MAPKAP1: variants seen among roughly 807,000 people sequenced by gnomAD.
MAPKAP1 encodes MAPK associated protein 1, also known as target of rapamycin complex 2 subunit MAPKAP1.
Under a neutral mutation model 65.7 loss-of-function variants are expected in MAPKAP1, and 20 were observed. The observed-to-expected ratio is 0.30, with a 90% CI of 0.21 to 0.44. MAPKAP1 has a LOEUF of 0.44. Ranked by LOEUF, MAPKAP1 falls within the 20% of genes least tolerant of loss-of-function variation. The probability of loss-of-function intolerance (pLI) is 1.00; values close to 1 mark genes in which losing one functional copy is unlikely to be tolerated. For synonymous variants in MAPKAP1, 222 were observed against 244.3 expected, an observed-to-expected ratio of 0.91 and a Z score of 0.85; for missense variants, 423 against 648.0, an observed-to-expected ratio of 0.65 and a Z score of 3.77.
chr9:125,546,633 T>C (rs1295957476), intron 6 of MAPKAP1, among the ~76,000 whole-genome samples: 2 of 152,182 alleles, frequency 1.3e-5, no homozygotes, highest in Non-Finnish European at 2.9e-5. Flanking sequence ...AAAAGTCTAC[T>C]GAAATACATC....
chr9:125,680,141 G>A (rs1343687481), intron 1 of MAPKAP1, among the ~76,000 whole-genome samples: 3 of 149,152 alleles, frequency 2.0e-5, no homozygotes, highest in Non-Finnish European at 4.4e-5. Flanking sequence ...CACACTATTA[G>A]CATCAGGCAA....
At chr9:125,592,153 T>C (rs1029243989) in intron 4 of MAPKAP1, among the ~76,000 whole-genome samples, 1 of 152,156 alleles carries the variant, frequency 6.6e-6, no homozygotes, top group Non-Finnish European at 1.5e-5. Context: ...CATCAAACTG[T>C]TTTGCTGAAG....
chr9:125,652,316 A>G, intron 4 of MAPKAP1: 1 of 1,104,394 alleles, frequency 9.1e-7, no homozygotes, highest in Non-Finnish European at 1.1e-6. Context: ...AAATGCTGCT[A>G]AAAGCTATTA....
intron 7 of MAPKAP1, chr9:125,542,823 A>C (rs556746378): frequency 1.6e-6 from 1 of 643,932 alleles, no homozygotes; most frequent in Non-Finnish European, 2.9e-6. Context: ...ATTATTAATG[A>C]AGGAACTTCC....
chr9:125,697,016 G>A (rs892719581), intron 1 of MAPKAP1, among the ~76,000 whole-genome samples: 4 of 152,286 alleles, frequency 2.6e-5, no homozygotes, highest in African/African-American at 9.6e-5. Flanking sequence ...GCTGTCACAG[G>A]CCTACTCGTT....
chr9:125,651,788 T>C (rs1479774017), intron 4 of MAPKAP1, among the ~76,000 whole-genome samples: 3 of 152,180 alleles, frequency 2.0e-5, no homozygotes, highest in Non-Finnish European at 4.4e-5. Context: ...AGCCAACTTC[T>C]TTCTTCATTC....
At chr9:125,532,465 A>G (rs149250793) in intron 7 of MAPKAP1, among the ~76,000 whole-genome samples, 1 of 152,264 alleles carries the variant, frequency 6.6e-6, no homozygotes. Context: ...ATGAGGGGGA[A>G]AAAGGCATCT....
At chr9:125,569,355 C>T (rs1831159956) in intron 5 of MAPKAP1, among the ~76,000 whole-genome samples, 1 of 152,238 alleles carries the variant, frequency 6.6e-6, no homozygotes, top group South Asian at 2.1e-4. Context: ...CTATCTATCG[C>T]TCAGTAGCTA....
chr9:125,543,133 T>C lies in MAPKAP1; in HGVS notation c.884A>G (p.Asp295Gly). The C allele has an allele frequency of 6.2e-7, 1 of 1,613,798 alleles. No homozygotes were observed. The highest frequency in any genetic ancestry group is 8.5e-7 in the Non-Finnish European group (1 of 1,179,632). Residue 295 changes from aspartate to glycine, a missense_variant, in exon 7 of 12, where the codon GAC becomes GGC. Asp to Gly is a moderately conservative substitution (Grantham distance 94). This residue lies in a region of MAPKAP1 where 98 missense variants were observed against 200.5 expected (regional missense o/e 0.49). Coordinates refer to ENST00000265960, the MANE Select transcript of MAPKAP1 (RefSeq NM_001006617.3). ...AAHGFSLIQV[D>G]NTKVTMKEIL... ...TTCCTTCATGGTAACCTTTGTGTTG[T>C]CCACCTGAATAAGGGAGAATCCATG... is the stretch of plus-strand genomic sequence containing the variant.
intron 1 of MAPKAP1, among the ~76,000 whole-genome samples, chr9:125,693,514 C>CACACATATAT (rs959364808): frequency 3.0e-5 from 4 of 132,284 alleles, no homozygotes; most frequent in South Asian, 2.4e-4. Context: ...TACACATACA[C>CACACATATAT]ACACATATAT....
intron 4 of MAPKAP1, among the ~76,000 whole-genome samples, chr9:125,641,794 G>C (rs1450484632): frequency 6.6e-6 from 1 of 152,138 alleles, no homozygotes; most frequent in Non-Finnish European, 1.5e-5. Flanking sequence ...CACTTTGGGA[G>C]ACCGAGGCAG....
intron 8 of MAPKAP1, chr9:125,506,005 C>T (rs1829128691): frequency 5.1e-6 from 2 of 393,776 alleles, no homozygotes; most frequent in South Asian, 2.9e-5. Flanking sequence ...ACAAAATAGC[C>T]TTTACTTCAG....
rs1852768482 is a variant in MAPKAP1 at position 125,447,649 on chromosome 9, G to A, written c.1346-3051C>T. On this transcript the variant is annotated intron_variant, in intron 10 of 11. Coordinates refer to ENST00000265960, the MANE Select transcript of MAPKAP1 (RefSeq NM_001006617.3). This position sits in a 1 kb window ranked among gnomAD's most constrained non-coding sequence, Gnocchi z 4.5. ...TTCCTCAGTCTGGGCTCTGCCAGGA[G>A]CATGGGCTAGAGCAAAGGACAGAGA... Among the ~76,000 whole-genome samples the A allele has an allele frequency of 6.6e-6, 1 of 151,908 alleles. No individual in the cohort carries two copies.
Position 125,447,788 on chromosome 9 carries a change from C to T in MAPKAP1, c.1346-3190G>A, listed in dbSNP as rs746511493. 6.6e-6 allele frequency among the ~76,000 whole-genome samples: 1 copy of T among 152,128 alleles called. No homozygotes were observed. Among genetic ancestry groups the T allele is most frequent in the Non-Finnish European group, 1.5e-5 (1 of 68,028 alleles). ...AGAGGTGGAGAAGAGCCACTAGGGA[C>T]AGTTTCTTGGGAGGAGCTGACACCT... On this transcript the variant is annotated intron_variant, in intron 10 of 11. Transcript: ENST00000265960. The surrounding 1 kb of genome is among the most constrained non-coding windows in gnomAD (Gnocchi z 4.5).
At chr9:125,483,902 A>AAT (rs1854404482) in intron 9 of MAPKAP1, among the ~76,000 whole-genome samples, 1 of 152,256 alleles carries the variant, frequency 6.6e-6, no homozygotes, top group African/African-American at 2.4e-5. Context: ...ATGATGTATT[A>AAT]ATAGTATGTT....
At chr9:125,561,102 A>G (rs560570361) in intron 5 of MAPKAP1, among the ~76,000 whole-genome samples, 61 of 152,348 alleles carry the variant, frequency 4.0e-4, no homozygotes, top group African/African-American at 1.2e-3. Flanking sequence ...ATTGATGCTT[A>G]AATTAATTAA....
At chr9:125,463,835 A>T (rs950268831) in intron 10 of MAPKAP1, among the ~76,000 whole-genome samples, 3 of 152,246 alleles carry the variant, frequency 2.0e-5, no homozygotes, top group Non-Finnish European at 2.9e-5. Flanking sequence ...TATAAAGATG[A>T]CAGCTACTTT....
rs562389082 is a variant in MAPKAP1 at position 125,701,503 on chromosome 9, TAA to T, written c.-70+5466_-70+5467del. 7.9e-5 allele frequency among the ~76,000 whole-genome samples: 12 copies of T among 152,330 alleles called. No individual in the cohort carries two copies. The South Asian group carries it at 2.5e-3, about 32-fold the overall frequency. On this transcript the variant is annotated intron_variant, in intron 1 of 11. Transcript: ENST00000265960. ...CTCTCTAGTCAACTGCACTTGCTACTAAACTGTGATTCACTGGCTGTTAGTGG... is the reference window on the plus strand; with the variant it reads ...CTCTCTAGTCAACTGCACTTGCTACTACTGTGATTCACTGGCTGTTAGTGG...
At chr9:125,688,444 T>C (rs1423455185) in intron 1 of MAPKAP1, among the ~76,000 whole-genome samples, 4 of 152,162 alleles carry the variant, frequency 2.6e-5, no homozygotes, top group African/African-American at 9.6e-5. Context: ...AGCTAGACTA[T>C]CTCATTTTTT....
Sources: gnomAD v4.1 joint callset for allele counts (sites outside exome capture counted in the v4.1 genomes callset) on GRCh38, gnomAD v4.1.1 for gene constraint, gnomAD v4.1.1 regional missense constraint, Gnocchi (gnomAD v3.1) non-coding constraint, MANE v1.5 for transcripts, NCBI Gene and HGNC (gene_info 2026-07-23, HGNC 2026-07-21) for gene names.